DCLK2: variants seen among roughly 807,000 people sequenced by gnomAD.
The protein encoded by DCLK2 is doublecortin like kinase 2.
A neutral mutation model predicts 78.4 loss-of-function variants in DCLK2; 31 were observed. The ratio of observed to expected loss-of-function variants is 0.40; its 90% CI spans 0.30 to 0.53. DCLK2 has a LOEUF of 0.53. DCLK2 is among the 20% of genes least tolerant of loss of function. The pLI is 0.61. For synonymous variants in DCLK2, 407 were observed against 374.9 expected (o/e 1.09, Z -0.99); for missense variants, 872 against 973.7 (o/e 0.90, Z 1.39).
chr4:150,117,492 T>A (rs1174625754), intron 2 of DCLK2, among the ~76,000 whole-genome samples: 2 of 152,172 alleles, frequency 1.3e-5, no homozygotes, highest in Non-Finnish European at 1.5e-5. Flanking sequence ...CCCTTGGTTC[T>A]GGCCAAAGGG....
chr4:150,091,805 G>T (rs1041788966), intron 1 of DCLK2, among the ~76,000 whole-genome samples: 10 of 140,670 alleles, frequency 7.1e-5, no homozygotes, highest in Admixed American at 6.4e-4. Flanking sequence ...GTGTGTGTGT[G>T]TGTATTTGTG....
At chr4:150,248,213 G>C in intron 13 of DCLK2, 92 bp from the exon 14 acceptor site, 1 of 1,098,120 alleles carries the variant, frequency 9.1e-7, no homozygotes, top group Non-Finnish European at 1.4e-6. Flanking sequence ...GCTCTTCTCT[G>C]AAGTGCTTGC....
At chr4:150,092,563 C>T (rs923969149) in intron 1 of DCLK2, among the ~76,000 whole-genome samples, 3 of 152,128 alleles carry the variant, frequency 2.0e-5, no homozygotes, top group Non-Finnish European at 4.4e-5. Flanking sequence ...TGTTGAGCAT[C>T]TTTTCATATA....
At chr4:150,211,816 A>G (rs544995432) in intron 5 of DCLK2, among the ~76,000 whole-genome samples, 15 of 152,068 alleles carry the variant, frequency 9.9e-5, no homozygotes, top group African/African-American at 3.4e-4. Context: ...ACCCCAACCT[A>G]TGATCTTCTG....
chr4:150,129,367 CT>C (rs1463942577), intron 2 of DCLK2, among the ~76,000 whole-genome samples: 1 of 152,016 alleles, frequency 6.6e-6, no homozygotes, highest in Non-Finnish European at 1.5e-5. Context: ...AGTGAAAATG[CT>C]TCTACGCTTT....
At chr4:150,085,938 G>A (rs759156427) in intron 1 of DCLK2, among the ~76,000 whole-genome samples, 17 of 152,168 alleles carry the variant, frequency 1.1e-4, no homozygotes, top group Non-Finnish European at 2.1e-4. Context: ...TTCTAGGGGT[G>A]GGAAAGAGAA....
intron 1 of DCLK2, among the ~76,000 whole-genome samples, chr4:150,082,157 A>G (rs932822179): frequency 6.6e-6 from 1 of 152,208 alleles, no homozygotes; most frequent in Non-Finnish European, 1.5e-5. Flanking sequence ...TATTTGCATT[A>G]GTAAAAATAA....
intron 2 of DCLK2, among the ~76,000 whole-genome samples, chr4:150,178,112 C>T (rs137941998): frequency 1.3e-5 from 2 of 152,304 alleles, no homozygotes; most frequent in Admixed American, 1.3e-4. Context: ...TTTCTACCCT[C>T]ATTGTGAAGC....
At chr4:150,221,825 GATAA>G (rs1211457360) in intron 7 of DCLK2, 40 bp downstream of exon 7, 1 of 1,271,088 alleles carries the variant, frequency 7.9e-7, no homozygotes, top group South Asian at 1.4e-5. Context: ...TAATGAAAAT[GATAA>G]ATAATGAAAA....
At chr4:150,197,236 C>T (rs1446796508) in intron 3 of DCLK2, among the ~76,000 whole-genome samples, 4 of 151,734 alleles carry the variant, frequency 2.6e-5, no homozygotes, top group Non-Finnish European at 5.9e-5. Context: ...GAACATAATT[C>T]AGGAGGGGGT....
intron 5 of DCLK2, among the ~76,000 whole-genome samples, chr4:150,216,211 C>G (rs559689230): frequency 3.3e-5 from 5 of 152,208 alleles, no homozygotes; most frequent in Non-Finnish European, 2.9e-5. Flanking sequence ...TGACATAACT[C>G]CCTGGCTAAA....
chr4:150,192,357 G>A (rs751140401), intron 2 of DCLK2, among the ~76,000 whole-genome samples: 1 of 151,782 alleles, frequency 6.6e-6, no homozygotes, highest in African/African-American at 2.4e-5. Context: ...GCATGCACCT[G>A]TAGTCCCAGC....
intron 12 of DCLK2, 75 bp from the exon 13 acceptor site, chr4:150,247,528 T>C: frequency 7.6e-7 from 1 of 1,319,460 alleles, no homozygotes; most frequent in Non-Finnish European, 1.1e-6. Context: ...CTTTCCCCGC[T>C]CTTCCTGTGG....
intron 2 of DCLK2, among the ~76,000 whole-genome samples, chr4:150,139,090 A>G (rs1580578487): frequency 6.6e-6 from 1 of 152,046 alleles, no homozygotes; most frequent in Admixed American, 6.6e-5. Flanking sequence ...CCAGGCTGGT[A>G]TCAAACTCAA....
chr4:150,178,488 G>A (rs1178228134), intron 2 of DCLK2, among the ~76,000 whole-genome samples: 2 of 151,012 alleles, frequency 1.3e-5, no homozygotes, highest in African/African-American at 4.9e-5. Flanking sequence ...TTCTTCGACC[G>A]TAGATGTGAG....
At chr4:150,129,208 C>G (rs961334786) in intron 2 of DCLK2, among the ~76,000 whole-genome samples, 1 of 152,058 alleles carries the variant, frequency 6.6e-6, no homozygotes, top group African/African-American at 2.4e-5. Flanking sequence ...AAAATGAATA[C>G]AAACATGCTT....
chr4:150,117,071 G>C (rs1187481863), intron 2 of DCLK2, among the ~76,000 whole-genome samples: 1 of 152,154 alleles, frequency 6.6e-6, no homozygotes. Flanking sequence ...TGCCAGGTGG[G>C]GGCTGGATAA....
At chr4:150,142,799 A>T (rs1344929542) in intron 2 of DCLK2, among the ~76,000 whole-genome samples, 1 of 135,948 alleles carries the variant, frequency 7.4e-6, no homozygotes, top group Non-Finnish European at 1.6e-5. Context: ...GAAAACTAAA[A>T]TGCTGATTTT....
chr4:150,249,301 TC>T (rs1743565794), intron 14 of DCLK2, among the ~76,000 whole-genome samples: 1 of 152,120 alleles, frequency 6.6e-6, no homozygotes, highest in Non-Finnish European at 1.5e-5. Context: ...CTGCTTTGTG[TC>T]CCGGGAGACC....
Sources: gnomAD v4.1 joint callset for allele counts (sites outside exome capture counted in the v4.1 genomes callset) on GRCh38, gnomAD v4.1.1 for gene constraint, MANE v1.5 for transcripts, NCBI Gene and HGNC (gene_info 2026-07-23, HGNC 2026-07-21) for gene names.